The following EYA2 variants were observed in gnomAD, a reference collection of about 807,000 sequenced individuals.
EYA2 encodes protein phosphatase EYA2.
In EYA2, 31 loss-of-function variants were observed where a neutral mutation model predicts 69.2. The ratio of observed to expected loss-of-function variants is 0.45; its 90% CI spans 0.34 to 0.60. The LOEUF (loss-of-function observed/expected upper bound fraction) is 0.60, where lower values mean the gene tolerates loss of function less well. EYA2 is among the 20% of genes least tolerant of loss of function. The pLI is 0.02. For synonymous variants in EYA2, 257 were observed against 279.4 expected (o/e 0.92, Z 0.80); for missense variants, 622 against 701.2 (o/e 0.89, Z 1.28).
intron 9 of EYA2, among the ~76,000 whole-genome samples, chr20:47,126,816 G>A (rs777829142): frequency 5.9e-5 from 9 of 152,182 alleles, no homozygotes; most frequent in Non-Finnish European, 1.2e-4. Flanking sequence ...CTGGGTAGGC[G>A]TGCTACTGAA....
At position 46,989,988 on chromosome 20, in the gene EYA2, T is replaced by C. The variant is rs375039294; in HGVS notation, c.-10-13T>C. On this transcript the variant is annotated splice_polypyrimidine_tract_variant and intron_variant, in intron 1 of 15. Transcript: ENST00000327619. ...TTAATGAATAAATTATATTTCCCTT[T>C]GTTTTCTTTCAGGTACAAGGAAATG... 1.7e-5 allele frequency: 22 copies of C among 1,275,818 alleles called. No individual in the cohort carries two copies. Among genetic ancestry groups the C allele is most frequent in the Admixed American group, 1.2e-4 (7 of 59,292 alleles). The allele number at this position is 1,275,818 out of a possible 1,614,324, so 79.0% of individuals were successfully genotyped here. A position where few individuals can be genotyped will look rare whatever the true frequency, so the allele number is the denominator to read the frequency against.
intron 4 of EYA2, among the ~76,000 whole-genome samples, chr20:47,005,757 A>G (rs1982670314): frequency 6.6e-6 from 1 of 152,260 alleles, no homozygotes; most frequent in Admixed American, 6.5e-5. Flanking sequence ...CAGAAACAAC[A>G]GACCTCCAGC....
chr20:47,033,442 CA>C (rs1246101429), intron 5 of EYA2, among the ~76,000 whole-genome samples: 3 of 152,176 alleles, frequency 2.0e-5, no homozygotes, highest in African/African-American at 7.2e-5. Context: ...ACTTTATTTA[CA>C]AAAACAGGTG....
In EYA2 at chr20:47,188,071, C is replaced by T. The variant is rs2034683142; in HGVS notation, c.1555C>T (p.Arg519Trp). The T allele has an allele frequency of 6.3e-7, 1 of 1,578,210 alleles. No individual in the cohort carries two copies. Among genetic ancestry groups the T allele is most frequent in the Non-Finnish European group, 8.6e-7 (1 of 1,161,910 alleles). ...GTTTCAGCACAACATGCCTTTCTGG[C>T]GGATATCCTGCCACGCAGACCTGGA... Reference protein sequence around the residue: ...GAKKHNMPFWRISCHADLEAL... With the variant: ...GAKKHNMPFWWISCHADLEAL... The change falls in exon 16 of 16, where the codon CGG becomes TGG. Residue 519 changes from arginine (R) to tryptophan (W), a missense_variant. Coordinates refer to ENST00000327619, the MANE Select transcript of EYA2 (RefSeq NM_005244.5).
chr20:47,114,088 G>C (rs1338794624), intron 9 of EYA2, among the ~76,000 whole-genome samples: 1 of 152,144 alleles, frequency 6.6e-6, no homozygotes, highest in Non-Finnish European at 1.5e-5. Flanking sequence ...GAACTCACAG[G>C]CAGCCTCAAA....
intron 5 of EYA2, among the ~76,000 whole-genome samples, chr20:47,023,488 A>G (rs1366686993): frequency 6.6e-6 from 1 of 151,916 alleles, no homozygotes; most frequent in Non-Finnish European, 1.5e-5. Flanking sequence ...ATTTCTTCAA[A>G]TTTTTGTCTG....
At chr20:47,083,540 C>T (rs904924780) in intron 7 of EYA2, among the ~76,000 whole-genome samples, 4 of 145,174 alleles carry the variant, frequency 2.8e-5, no homozygotes, top group African/African-American at 1.0e-4. Context: ...ATCATGCCAC[C>T]ACACTGCAGC....
intron 9 of EYA2, among the ~76,000 whole-genome samples, chr20:47,127,878 A>G (rs74976245): frequency 0.021 from 3,205 of 152,360 alleles, 126 homozygotes; most frequent in African/African-American, 0.072. Flanking sequence ...GACCCTTGAC[A>G]AGAGCGAAAC....
intron 7 of EYA2, among the ~76,000 whole-genome samples, chr20:47,085,131 C>G (rs1319820300): frequency 6.6e-6 from 1 of 151,804 alleles, no homozygotes; most frequent in Non-Finnish European, 1.5e-5. Context: ...GCCACCATGC[C>G]CAGCCTCATC....
In EYA2 at chr20:47,173,124, G is replaced by A. The variant is rs531144345; in HGVS notation, c.1198+257G>A. On this transcript the variant is annotated intron_variant, in intron 12 of 15. Transcript: ENST00000327619. Reference sequence around the variant, plus strand: ...GCCACAAATGGCGCGGGGTGGACGTGGGGGCGGAATTCTCTTACCCACAGC... The same window carrying A: ...GCCACAAATGGCGCGGGGTGGACGTAGGGGCGGAATTCTCTTACCCACAGC... Among the ~76,000 whole-genome samples, 3 of 152,212 alleles carry A rather than the reference G, an allele frequency of 2.0e-5. No homozygotes were observed. The East Asian group carries it at 5.8e-4, about 29-fold the overall frequency.
chr20:46,971,364 C>T (rs1353570954), intron 1 of EYA2, among the ~76,000 whole-genome samples: 2 of 152,190 alleles, frequency 1.3e-5, no homozygotes, highest in African/African-American at 4.8e-5. Context: ...TCCTCATTGT[C>T]CAAGATGGCA....
intron 5 of EYA2, among the ~76,000 whole-genome samples, chr20:47,048,224 T>A (rs1279677717): frequency 6.6e-6 from 1 of 152,140 alleles, no homozygotes; most frequent in Non-Finnish European, 1.5e-5. Flanking sequence ...GATGATGGCA[T>A]TTTTCCCCAG....
chr20:47,177,880 A>G (rs2034453852), intron 12 of EYA2, among the ~76,000 whole-genome samples: 1 of 152,262 alleles, frequency 6.6e-6, no homozygotes, highest in Admixed American at 6.5e-5. Flanking sequence ...TGGCCAAGGC[A>G]GATGCCAAAC....
chr20:46,937,606 T>G (rs963537907), intron 1 of EYA2, among the ~76,000 whole-genome samples: 1 of 152,044 alleles, frequency 6.6e-6, no homozygotes, highest in Non-Finnish European at 1.5e-5. Flanking sequence ...TCTCCTTGGT[T>G]TTCTGGGTTG....
intron 9 of EYA2, among the ~76,000 whole-genome samples, chr20:47,136,378 A>G (rs927828891): frequency 6.6e-6 from 1 of 152,192 alleles, no homozygotes; most frequent in Non-Finnish European, 1.5e-5. Context: ...CCTTTCATCC[A>G]AGAAATACAA....
chr20:47,028,735 T>C (rs1984236700), intron 5 of EYA2, among the ~76,000 whole-genome samples: 1 of 152,222 alleles, frequency 6.6e-6, no homozygotes, highest in Admixed American at 6.5e-5. Flanking sequence ...AGTCTGCAAC[T>C]GTCTGGCTCC....
intron 1 of EYA2, among the ~76,000 whole-genome samples, chr20:46,906,517 G>A (rs1231544093): frequency 1.3e-5 from 2 of 152,074 alleles, no homozygotes; most frequent in East Asian, 3.8e-4. Flanking sequence ...TTTGAAAGAA[G>A]AATAACTAAC....
At chr20:46,968,824 A>T (rs1334399169) in intron 1 of EYA2, among the ~76,000 whole-genome samples, 1 of 151,956 alleles carries the variant, frequency 6.6e-6, no homozygotes, top group South Asian at 2.1e-4. Flanking sequence ...ACGCTAAAAG[A>T]TGTTTTCCTG....
At chr20:47,104,839 G>A (rs925964357) in intron 9 of EYA2, among the ~76,000 whole-genome samples, 1 of 152,072 alleles carries the variant, frequency 6.6e-6, no homozygotes. Flanking sequence ...TGGCCAACAT[G>A]GTGAAACTCC....
Sources: allele counts gnomAD v4.1 joint callset (sites outside exome capture counted in the v4.1 genomes callset), GRCh38; gene constraint gnomAD v4.1.1; transcripts MANE v1.5; gene names NCBI Gene and HGNC (gene_info 2026-07-23, HGNC 2026-07-21).